The following LRP1B variants were observed in gnomAD, a reference collection of about 807,000 sequenced individuals.
The protein encoded by LRP1B is low-density lipoprotein receptor-related protein 1B.
Under a neutral mutation model 556.6 loss-of-function variants are expected in LRP1B, and 217 were observed. That is an observed-to-expected ratio of 0.39 (90% CI 0.35 to 0.44). The LOEUF (loss-of-function observed/expected upper bound fraction) is 0.44. Ranked by LOEUF, LRP1B falls within the 20% of genes least tolerant of loss-of-function variation. The pLI is 1.00. For missense variants in LRP1B, 5,053 were observed against 5,620.8 expected (o/e 0.90, Z 3.23); for synonymous variants, 2,047 against 1,865.8 (o/e 1.10, Z -2.50).
chr2:141,010,914 G>A (rs941066207), intron 14 of LRP1B, among the ~76,000 whole-genome samples: 9 of 150,874 alleles, frequency 6.0e-5, no homozygotes, highest in Admixed American at 3.3e-4. Flanking sequence ...TACATTATTA[G>A]CATTCCTGAA....
At chr2:140,613,413 A>ATATAAATATATATATAATTATATACT (rs1261024530) in intron 41 of LRP1B, among the ~76,000 whole-genome samples, 1 of 145,154 alleles carries the variant, frequency 6.9e-6, no homozygotes, top group Non-Finnish European at 1.5e-5. Context: ...AATTATATAC[A>ATATAAATATATATATAATTATATACT]TATAAATATA....
At position 140,311,599 on chromosome 2, in the gene LRP1B, A is replaced by T. The variant is rs568608409; in HGVS notation, c.12805+3336T>A. Among the ~76,000 whole-genome samples the T allele has an allele frequency of 1.1e-4, 17 of 151,966 alleles. No individual in the cohort carries two copies. In the East Asian group the frequency reaches 3.1e-3, roughly 28 times the overall value. ...CTATTCAGCTAATGGTTACACTAACAGTCCAGACTTCACCACTACACAATA... is the reference window on the plus strand; with the variant it reads ...CTATTCAGCTAATGGTTACACTAACTGTCCAGACTTCACCACTACACAATA... On this transcript the variant is annotated intron_variant, in intron 83 of 90. Transcript: ENST00000389484.
In LRP1B at chr2:141,226,124, C is replaced by CCA. The variant is rs1553479116; in HGVS notation, c.850+3058_850+3059insTG. Among the ~76,000 whole-genome samples the CCA allele has an allele frequency of 1.8e-3, 267 of 150,998 alleles. 3 individuals carry two copies. The South Asian group carries it at 0.025, about 14-fold the overall frequency. Reference sequence around the variant, plus strand: ...TGCTCAGAGTCTCAATTTTCCCCCCCAAAAAAAACCAAAAGAATAATATCT... The same window carrying CCA: ...TGCTCAGAGTCTCAATTTTCCCCCCCCAAAAAAAAACCAAAAGAATAATATCT... On this transcript the variant is annotated intron_variant, in intron 6 of 90. Transcript: ENST00000389484.
In LRP1B at chr2:140,695,019, C is replaced by G. The variant is rs1460291828; in HGVS notation, c.6799+5231G>C. 3.3e-5 allele frequency among the ~76,000 whole-genome samples: 5 copies of G among 151,316 alleles called. No homozygotes were observed. In the East Asian group the frequency reaches 9.8e-4, roughly 30 times the overall value. ...TTTTTTTCTTTGCTTCTTTGATGAA[C>G]CCCAAGTAAATATTCTTCAGATTCT... On this transcript the variant is annotated intron_variant, in intron 41 of 90. Transcript: ENST00000389484.
chr2:141,579,963 G>A lies in LRP1B; in HGVS notation c.206-99430C>T, dbSNP rs1360952230. ...AATCCACCCGTCTGGGCCTCCCAAA[G>A]TTCTGGGATTACAGGCGTGAGCCAC... On this transcript the variant is annotated intron_variant, in intron 2 of 90. Coordinates refer to ENST00000389484, the MANE Select transcript of LRP1B (RefSeq NM_018557.3). Among the ~76,000 whole-genome samples, 4 of 152,108 alleles carry A rather than the reference G, an allele frequency of 2.6e-5. No individual in the cohort carries two copies. The South Asian group carries it at 6.2e-4, about 24-fold the overall frequency.
intron 66 of LRP1B, among the ~76,000 whole-genome samples, chr2:140,394,708 G>T (rs1487293292): frequency 6.6e-6 from 1 of 152,164 alleles, no homozygotes; most frequent in Non-Finnish European, 1.5e-5. Flanking sequence ...AAGAGGTAAA[G>T]TTCTGTGTCT....
At chr2:141,014,367 T>C (rs1024676868) in intron 13 of LRP1B, among the ~76,000 whole-genome samples, 3 of 152,076 alleles carry the variant, frequency 2.0e-5, no homozygotes, top group Non-Finnish European at 4.4e-5. Context: ...AATATATTCA[T>C]TTACATTCTA....
chr2:140,402,878 A>C (rs115288731), intron 66 of LRP1B, among the ~76,000 whole-genome samples: 3,106 of 152,330 alleles, frequency 0.02, 36 homozygotes, highest in African/African-American at 0.028. Context: ...TAAATGAGAA[A>C]GTGCATACCA....
chr2:141,878,763 A>G (rs1370309279), intron 1 of LRP1B, among the ~76,000 whole-genome samples: 2 of 151,998 alleles, frequency 1.3e-5, no homozygotes, highest in Non-Finnish European at 1.5e-5. Flanking sequence ...GAACAGTCCA[A>G]TTACATTTAT....
chr2:140,374,606 C>A (rs976331447), intron 68 of LRP1B, among the ~76,000 whole-genome samples: 4 of 152,154 alleles, frequency 2.6e-5, no homozygotes, highest in African/African-American at 4.8e-5. Flanking sequence ...ATTCTCCATA[C>A]TATTAGTGCC....
chr2:140,716,392 C>A (rs531519630), intron 36 of LRP1B, among the ~76,000 whole-genome samples: 1 of 152,160 alleles, frequency 6.6e-6, no homozygotes, highest in East Asian at 1.9e-4. Flanking sequence ...TAACTTTCTA[C>A]TGACTTCAGG....
At chr2:140,276,303 A>G (rs1417305051) in intron 84 of LRP1B, among the ~76,000 whole-genome samples, 1 of 152,006 alleles carries the variant, frequency 6.6e-6, no homozygotes, top group Non-Finnish European at 1.5e-5. Context: ...ATTTATTTCA[A>G]GCATTCCCAT....
chr2:141,564,554 T>C (rs1290622694), intron 2 of LRP1B, among the ~76,000 whole-genome samples: 3 of 152,146 alleles, frequency 2.0e-5, no homozygotes, highest in East Asian at 1.9e-4. Context: ...TGATAGACTT[T>C]TGAGGCTACA....
chr2:141,029,306 C>A (rs1444554213), intron 11 of LRP1B, among the ~76,000 whole-genome samples: 2 of 151,990 alleles, frequency 1.3e-5, no homozygotes, highest in Non-Finnish European at 2.9e-5. Context: ...TAAGGTGGTC[C>A]CTTACTGTGA....
In LRP1B at chr2:140,596,228, TAA is replaced by T. The variant is rs201579926; in HGVS notation, c.7194+2401_7194+2402del. On this transcript the variant is annotated intron_variant, in intron 43 of 90. Coordinates refer to ENST00000389484, the MANE Select transcript of LRP1B (RefSeq NM_018557.3). ...GGGTGCAATAGTGATCTTTCTCTTT[TAA>T]AAGAGCTTTGATGACCCCAGCTTCA... Among the ~76,000 whole-genome samples the T allele has an allele frequency of 6.1e-3, 925 of 152,312 alleles. 8 individuals carry two copies. The highest frequency in any genetic ancestry group is 0.021 in the African/African-American group (864 of 41,564).
At chr2:140,847,154 C>T (rs1692297457) in intron 29 of LRP1B, among the ~76,000 whole-genome samples, 1 of 152,140 alleles carries the variant, frequency 6.6e-6, no homozygotes, top group South Asian at 2.1e-4. Context: ...CTTACTAGAG[C>T]CACTGTAACA....
At chr2:141,768,822 A>G (rs950649149) in intron 2 of LRP1B, among the ~76,000 whole-genome samples, 1 of 152,114 alleles carries the variant, frequency 6.6e-6, no homozygotes, top group Non-Finnish European at 1.5e-5. Context: ...TATAGTTATT[A>G]TATTAATACC....
rs563124695 is a variant in LRP1B, at chr2:141,771,924, T to C, written c.205+38355A>G. Among the ~76,000 whole-genome samples, 179 of 152,258 alleles carry C rather than the reference T, an allele frequency of 1.2e-3. 1 individual carries two copies. Among genetic ancestry groups the C allele is most frequent in the Admixed American group, 0.011 (163 of 15,290 alleles). ...ATCTCTGCCTTCCTATTTCAAGCAA[T>C]TCTCCTGCCTCAGCCTCCCGAGTAG... On this transcript the variant is annotated intron_variant, in intron 2 of 90. Transcript: ENST00000389484.
intron 1 of LRP1B, among the ~76,000 whole-genome samples, chr2:142,026,659 T>A (rs1022849495): frequency 1.3e-5 from 2 of 152,078 alleles, no homozygotes; most frequent in African/African-American, 4.8e-5. Context: ...AAATAAAAAG[T>A]CTGTGAGGCA....
Sources: allele counts gnomAD v4.1 joint callset (sites outside exome capture counted in the v4.1 genomes callset), GRCh38; gene constraint gnomAD v4.1.1; transcripts MANE v1.5; gene names NCBI Gene and HGNC (gene_info 2026-07-23, HGNC 2026-07-21).